The following SLC5A6 variants were observed in gnomAD, a reference collection of about 807,000 sequenced individuals.
SLC5A6 encodes sodium-dependent multivitamin transporter.
SLC5A6 carries 31 observed loss-of-function variants against 67.9 expected under a neutral mutation model. The ratio of observed to expected loss-of-function variants is 0.46; its 90% CI spans 0.34 to 0.62. The LOEUF (loss-of-function observed/expected upper bound fraction) is 0.62. Among genes scored for constraint, SLC5A6 ranks in the 20% least tolerant of loss-of-function variants. The probability of loss-of-function intolerance (pLI) is 0.01; values close to 1 mark genes in which losing one functional copy is unlikely to be tolerated. For synonymous variants in SLC5A6, 343 were observed against 331.0 expected (o/e 1.04, Z -0.39); for missense variants, 673 against 812.8 (o/e 0.83, Z 2.09).
chr2:27,207,006 C>T lies in SLC5A6; in HGVS notation c.394-64G>A, dbSNP rs889520136. The T allele has an allele frequency of 7.3e-7, 1 of 1,368,384 alleles. No homozygotes were observed. Among genetic ancestry groups the T allele is most frequent in the African/African-American group, 1.4e-5 (1 of 70,204 alleles). The allele number at this position is 1,368,384 out of a possible 1,614,324, so 84.8% of individuals were successfully genotyped here. On this transcript the variant is annotated intron_variant, in intron 3 of 16. Coordinates refer to ENST00000310574, the MANE Select transcript of SLC5A6 (RefSeq NM_021095.4). This position sits in a 1 kb window ranked among gnomAD's most constrained non-coding sequence, Gnocchi z 5.5. ...CCCCGACAACTCACAGACAAATTCC[C>T]TCAAGATGCTCAGGAACATGAGGGA...
intron 4 of SLC5A6, 56 bp downstream of exon 4, chr2:27,206,821 T>C (rs748701966): frequency 1.0e-5 from 13 of 1,298,160 alleles, no homozygotes; most frequent in Admixed American, 1.7e-5. Context: ...TCAGCATGCT[T>C]GCGTTCAGGT....
chr2:27,208,056 G>A (rs1427709002), intron 2 of SLC5A6, among the ~76,000 whole-genome samples: 1 of 152,144 alleles, frequency 6.6e-6, no homozygotes, highest in East Asian at 1.9e-4. Context: ...CTCCACCCGA[G>A]TACCAAAAGA....
In SLC5A6 at chr2:27,210,980, C is replaced by A. The variant is rs532502780; in HGVS notation, c.-141+487G>T. Among the ~76,000 whole-genome samples, 55 of 152,218 alleles carry A rather than the reference C, an allele frequency of 3.6e-4. No individual in the cohort carries two copies. The East Asian group carries it at 0.01, about 29-fold the overall frequency. ...CGGAGCTTGCAGTGAGCCGAGATCG[C>A]GCCACTGCACTCCAGCCTGGGCGAC... On this transcript the variant is annotated intron_variant, in intron 2 of 16. Transcript: ENST00000310574.
chr2:27,201,902 C>G, intron 13 of SLC5A6, 55 bp from the exon 14 acceptor site: 2 of 1,610,106 alleles, frequency 1.2e-6, no homozygotes, highest in South Asian at 2.2e-5. Context: ...GCCCTCACGG[C>G]AGTCCTCAGC....
intron 5 of SLC5A6, 140 bp downstream of exon 5, chr2:27,206,343 C>G: frequency 2.5e-6 from 2 of 814,970 alleles, no homozygotes. Flanking sequence ...CTGGTAGAGA[C>G]CCACCCAAGG....
At position 27,204,499 on chromosome 2, in the gene SLC5A6, G is replaced by GAT; in HGVS notation, c.965_966dup (p.Pro323IlefsTer3). 1 of 1,613,998 alleles carries GAT rather than the reference G, an allele frequency of 6.2e-7. No homozygotes were observed. The highest frequency in any genetic ancestry group is 8.5e-7 in the Non-Finnish European group (1 of 1,179,928). The stretch of plus-strand genomic sequence containing the variant: ...GCCTGAGCCTGCTGAATGCTCATGG[G>GAT]ATACTCCTGGTAATACGCGAACATG... On this transcript the variant is annotated frameshift_variant, in exon 9 of 17. Coordinates refer to ENST00000310574, the MANE Select transcript of SLC5A6 (RefSeq NM_021095.4). LOFTEE classifies it high-confidence loss of function.
At position 27,207,344 on chromosome 2, in the gene SLC5A6, C is replaced by T. The variant is rs1357693826; in HGVS notation, c.307G>A (p.Gly103Ser). 9.9e-6 allele frequency: 16 copies of T among 1,614,034 alleles called. No individual in the cohort carries two copies. Among genetic ancestry groups the T allele is most frequent in the Non-Finnish European group, 1.3e-5 (15 of 1,180,050 alleles). The change falls in exon 3 of 17, where the codon GGC (glycine) becomes AGC (serine). Residue 103 changes from glycine to serine, a missense_variant. Transcript: ENST00000310574. This position sits in a 1 kb window ranked among gnomAD's most constrained non-coding sequence, Gnocchi z 5.5. ...AGCAGCCCCAGAAAGTAGCAGCAGC[C>T]CAGGAACCAATATTGGGTCCCAAAT... ...YRFGTQYWFL[G>S]CCYFLGLLIP...
In SLC5A6 at chr2:27,200,501, C is replaced by A; in HGVS notation, c.1843G>T (p.Ala615Ser). ...CCCTGATAGGCTGTGCCATCCAGGG[C>A]CATGGCCTCCTTGTCTCTGCTGTCC... is the stretch of plus-strand genomic sequence containing the variant. ...LGDSRDKEAM[A>S]LDGTAYQGSS... The change falls in exon 17 of 17, where the codon GCC becomes TCC. Residue 615 changes from alanine (A) to serine (S), a missense_variant. By Grantham distance (99) the Ala-to-Ser change is moderately conservative. Transcript: ENST00000310574. 6.2e-7 allele frequency: 1 copy of A among 1,614,008 alleles called. No individual in the cohort carries two copies. The highest frequency in any genetic ancestry group is 8.5e-7 in the Non-Finnish European group (1 of 1,179,928).
chr2:27,205,331 G>A lies in SLC5A6; in HGVS notation c.734+19C>T. The A allele has an allele frequency of 6.2e-7, 1 of 1,610,938 alleles. No individual in the cohort carries two copies. The highest frequency in any genetic ancestry group is 2.2e-5 in the East Asian group (1 of 44,866). ...GCCCAGGCACTGCAGACCCCAGCCAGGAGTAGGGGTATACTTACTCAAACC... is the reference window on the plus strand; with the variant it reads ...GCCCAGGCACTGCAGACCCCAGCCAAGAGTAGGGGTATACTTACTCAAACC... On this transcript the variant is annotated intron_variant, in intron 7 of 16. Transcript: ENST00000310574.
At chr2:27,210,136 G>C (rs1252049255) in intron 2 of SLC5A6, among the ~76,000 whole-genome samples, 1 of 152,180 alleles carries the variant, frequency 6.6e-6, no homozygotes, top group South Asian at 2.1e-4. Flanking sequence ...TATGGGACAC[G>C]GAGGTACAGA....
At position 27,200,017 on chromosome 2, in the gene SLC5A6, G is replaced by C. The variant is rs1673496481; in HGVS notation, c.*419C>G. The C allele has an allele frequency of 6.4e-6, 1 of 156,752 alleles. No homozygotes were observed. Among genetic ancestry groups the C allele is most frequent in the East Asian group, 1.8e-4 (1 of 5,426 alleles). 9.7% of individuals were successfully genotyped at this position (156,752 alleles called of 1,614,324 possible). On this transcript the variant is annotated 3_prime_UTR_variant, in exon 17 of 17. Coordinates refer to ENST00000310574, the MANE Select transcript of SLC5A6 (RefSeq NM_021095.4). ...TGGTACTGAAATGGGGACTACAGGG[G>C]AAGCAGCTTCCAGTTTTATGGTGGA...
At chr2:27,212,704 A>G (rs1451270681), upstream of SLC5A6, 9 of 1,293,286 alleles carry the variant, frequency 7.0e-6, no homozygotes, top group Non-Finnish European at 8.0e-6. Flanking sequence ...CCTTAATTTT[A>G]GAATAACTTT....
rs1674565158 is a variant in SLC5A6 at position 27,212,019 on chromosome 2, C to T, written c.-208+1G>A. On this transcript the variant is annotated splice_donor_variant, in intron 1 of 16. Transcript: ENST00000310574. LOFTEE classifies it low-confidence loss of function (5UTR_SPLICE). The stretch of plus-strand genomic sequence containing the variant: ...CCCGCTCGCCGTGCCGCCATGTTTA[C>T]TGAGGGCGGATGGAGGGGCCCGAGT... The T allele has an allele frequency of 1.4e-6, 1 of 722,278 alleles. No homozygotes were observed. Among genetic ancestry groups the T allele is most frequent in the Non-Finnish European group, 2.1e-6 (1 of 470,988 alleles). 44.7% of individuals were successfully genotyped at this position (722,278 alleles called of 1,614,324 possible). A position where few individuals can be genotyped will look rare whatever the true frequency, so the allele number is the denominator to read the frequency against.
chr2:27,204,797 G>A lies in SLC5A6; in HGVS notation c.869C>T (p.Ala290Val). Reference protein sequence around the residue: ...RYLSSRTEKAAVLSCYAVFPF... With the variant: ...RYLSSRTEKAVVLSCYAVFPF... ...TTCCTGTCCCTGCACTCACAGCACA[G>A]CAGCCTTCTCCGTGCGGGAACTGAG... The change falls in exon 8 of 17, where the codon GCT becomes GTT. Residue 290 changes from alanine to valine, a missense_variant. Coordinates refer to ENST00000310574, the MANE Select transcript of SLC5A6 (RefSeq NM_021095.4). The A allele has an allele frequency of 6.2e-7, 1 of 1,614,102 alleles. No individual in the cohort carries two copies. The highest frequency in any genetic ancestry group is 8.5e-7 in the Non-Finnish European group (1 of 1,179,984).
intron 7 of SLC5A6, 43 bp from the exon 8 acceptor site, chr2:27,204,974 C>T: frequency 6.2e-7 from 1 of 1,605,488 alleles, no homozygotes; most frequent in Non-Finnish European, 8.5e-7. Context: ...GCCTGAGAGA[C>T]ACAGCCTTCC....
chr2:27,210,428 AC>A (rs66898483), intron 2 of SLC5A6, among the ~76,000 whole-genome samples: 2,536 of 136,932 alleles, frequency 0.019, 32 homozygotes, highest in Middle Eastern at 0.026. Flanking sequence ...AGATTGTGGG[AC>A]CCCCCCCCCT....
chr2:27,200,548 T>C lies in SLC5A6; in HGVS notation c.1796A>G (p.Lys599Arg). ...DHLDTGLFPE[K>R]PRNGVLGDSR... The stretch of plus-strand genomic sequence containing the variant: ...GTCCCCCAGCACACCATTCCTCGGC[T>C]TCTCAGGAAACAGGCCAGTGTCGAG... Residue 599 changes from lysine (K) to arginine (R), a missense_variant, in exon 17 of 17, where the codon AAG (lysine) becomes AGG (arginine). Lys to Arg is a conservative substitution (Grantham distance 26). Transcript: ENST00000310574. 1.9e-6 allele frequency: 3 copies of C among 1,613,892 alleles called. No homozygotes were observed. Among genetic ancestry groups the C allele is most frequent in the Non-Finnish European group, 2.5e-6 (3 of 1,179,880 alleles).
chr2:27,202,681 G>A lies in SLC5A6; in HGVS notation c.1275+132C>T, dbSNP rs572050824. On this transcript the variant is annotated intron_variant, in intron 12 of 16. Transcript: ENST00000310574. ...TTGCAAGTCTGTTCACAGTAAAGACGGTCCATCAAAGGGGAATCTCTTACG... is the reference window on the plus strand; with the variant it reads ...TTGCAAGTCTGTTCACAGTAAAGACAGTCCATCAAAGGGGAATCTCTTACG... The A allele has an allele frequency of 7.8e-5, 63 of 805,678 alleles. No homozygotes were observed. The Middle Eastern group carries it at 4.3e-3, about 56-fold the overall frequency. 49.9% of individuals were successfully genotyped at this position (805,678 alleles called of 1,614,324 possible).
chr2:27,204,951 G>A lies in SLC5A6; in HGVS notation c.735-20C>T, dbSNP rs1325219497. On this transcript the variant is annotated intron_variant, in intron 7 of 16. Transcript: ENST00000310574. ...TCCAGCCTGTAACAGACACCACCCA[G>A]TCATTGTGCAAAGCCTGAGAGACAC... 3.1e-6 allele frequency: 5 copies of A among 1,610,494 alleles called. No homozygotes were observed. Among genetic ancestry groups the A allele is most frequent in the South Asian group, 1.1e-5 (1 of 91,082 alleles).
Sources: allele counts gnomAD v4.1 joint callset (sites outside exome capture counted in the v4.1 genomes callset), GRCh38; gene constraint gnomAD v4.1.1; non-coding constraint Gnocchi (gnomAD v3.1); transcripts MANE v1.5; gene names NCBI Gene and HGNC (gene_info 2026-07-23, HGNC 2026-07-21).